Variants in EVC2 observed in about 807,000 individuals in gnomAD.
The protein encoded by EVC2 is EvC ciliary complex subunit 2.
Under a neutral mutation model 149.3 loss-of-function variants are expected in EVC2, and 148 were observed. The ratio of observed to expected loss-of-function variants is 0.99; its 90% CI spans 0.87 to 1.14. The LOEUF is 1.14. Ranked by LOEUF, EVC2 falls within the 50% of genes most tolerant of loss-of-function variation. The probability of loss-of-function intolerance (pLI) is 0.00; values close to 1 mark genes in which losing one functional copy is unlikely to be tolerated. For synonymous variants in EVC2, 776 were observed against 649.9 expected (o/e 1.19, Z -2.95); for missense variants, 1,854 against 1,627.3 (o/e 1.14, Z -2.40).
intron 10 of EVC2, 39 bp from the exon 11 acceptor site, chr4:5,632,071 C>A: frequency 6.2e-7 from 1 of 1,611,998 alleles, no homozygotes; most frequent in Non-Finnish European, 8.5e-7. Context: ...AACTGACACA[C>A]TGAACATGCA....
At chr4:5,593,585 T>A (rs74284733) in intron 16 of EVC2, among the ~76,000 whole-genome samples, 27,266 of 151,962 alleles carry the variant, frequency 0.18, 3,050 homozygotes, top group East Asian at 0.62. Context: ...TTCTAGGGGG[T>A]GGAGCAAAGA....
At chr4:5,683,879 G>T (rs1198362257) in intron 6 of EVC2, among the ~76,000 whole-genome samples, 1 of 145,498 alleles carries the variant, frequency 6.9e-6, no homozygotes, top group African/African-American at 2.5e-5. Context: ...CAGCTGCCCG[G>T]GAACACACAC....
chr4:5,681,458 C>T (rs1720340033), intron 6 of EVC2, 145 bp from the exon 7 acceptor site: 10 of 827,962 alleles, frequency 1.2e-5, no homozygotes, highest in Non-Finnish European at 1.8e-5. Context: ...GAAGGTCTCA[C>T]CATCAGGAGG....
At chr4:5,621,958 T>C (rs1261252420) in intron 14 of EVC2, among the ~76,000 whole-genome samples, 4 of 152,176 alleles carry the variant, frequency 2.6e-5, no homozygotes, top group East Asian at 1.9e-4. Flanking sequence ...TACATGGCTC[T>C]TGAATTAATA....
chr4:5,651,073 T>C (rs973670027), intron 9 of EVC2, among the ~76,000 whole-genome samples: 3 of 151,974 alleles, frequency 2.0e-5, no homozygotes, highest in South Asian at 2.1e-4. Context: ...GATGGACAGA[T>C]GGGTGAAGGG....
intron 3 of EVC2, among the ~76,000 whole-genome samples, chr4:5,693,093 A>G (rs1721237620): frequency 6.6e-6 from 1 of 152,092 alleles, no homozygotes; most frequent in Admixed American, 6.5e-5. Context: ...ACCTTCATAT[A>G]GCATCTTGCA....
At position 5,637,225 on chromosome 4, in the gene EVC2, A is replaced by G. The variant is rs74683671; in HGVS notation, c.1470+3289T>C. Reference sequence around the variant, plus strand: ...CAGGCAGTCTTTTGATAGCAAAGCCACTAGAAACATTCTAGGTGCCCCACA... The same window carrying G: ...CAGGCAGTCTTTTGATAGCAAAGCCGCTAGAAACATTCTAGGTGCCCCACA... On this transcript the variant is annotated intron_variant, in intron 10 of 21. Coordinates refer to ENST00000344408, the MANE Select transcript of EVC2 (RefSeq NM_147127.5). This position sits in a 1 kb window ranked among gnomAD's most constrained non-coding sequence, Gnocchi z 4.4. Among the ~76,000 whole-genome samples, 770 of 152,342 alleles carry G rather than the reference A, an allele frequency of 5.1e-3. 7 individuals carry two copies. Among genetic ancestry groups the G allele is most frequent in the African/African-American group, 0.017 (727 of 41,568 alleles).
rs114379999 is a variant in EVC2, at chr4:5,587,045, T to A, written c.2830-2195A>T. 5.8e-3 allele frequency among the ~76,000 whole-genome samples: 880 copies of A among 152,374 alleles called. 5 individuals are homozygous for A. Among genetic ancestry groups the A allele is most frequent in the African/African-American group, 0.02 (815 of 41,592 alleles). ...GCTTTTTCTGTCACACATTTAATTG[T>A]ACATACGTTAAAAACGTCACACTCC... On this transcript the variant is annotated intron_variant, in intron 16 of 21. Transcript: ENST00000344408.
At chr4:5,541,487 G>C (rs1486856284), downstream of EVC2, among the ~76,000 whole-genome samples, 2 of 152,234 alleles carry the variant, frequency 1.3e-5, no homozygotes, top group African/African-American at 4.8e-5. Context: ...GCTGGAATAA[G>C]ATGATTCAGA....
At chr4:5,615,318 G>T in intron 16 of EVC2, 104 bp downstream of exon 16, 1 of 1,575,202 alleles carries the variant, frequency 6.3e-7, no homozygotes. Context: ...GGTGGAGATG[G>T]ATGGCACAGC....
At chr4:5,667,321 G>A (rs1052965428) in intron 7 of EVC2, among the ~76,000 whole-genome samples, 1 of 151,664 alleles carries the variant, frequency 6.6e-6, no homozygotes, top group African/African-American at 2.4e-5. Context: ...TTTCTACAAT[G>A]AGTAGGTATT....
the EVC2 span, among the ~76,000 whole-genome samples, chr4:5,535,129 T>A: frequency 2.0e-5 from 3 of 151,988 alleles, no homozygotes; most frequent in Non-Finnish European, 1.5e-5. This position sits in a 1 kb window ranked among gnomAD's most constrained non-coding sequence, Gnocchi z 4.7. Flanking sequence ...AATGTTCAAA[T>A]CCCCTGGCTG....
chr4:5,537,531 C>T, the EVC2 span, among the ~76,000 whole-genome samples: 1 of 152,146 alleles, frequency 6.6e-6, no homozygotes, highest in Admixed American at 6.6e-5. Flanking sequence ...ATAGACTAAA[C>T]ATCTTAATAA....
intron 7 of EVC2, among the ~76,000 whole-genome samples, chr4:5,674,035 G>C (rs954882149): frequency 7.0e-5 from 10 of 142,480 alleles, no homozygotes; most frequent in Admixed American, 2.2e-4. Context: ...TGGGAGATGA[G>C]ACGAATGTTT....
intron 12 of EVC2, among the ~76,000 whole-genome samples, chr4:5,627,268 T>A (rs1057254446): frequency 6.6e-6 from 1 of 152,222 alleles, no homozygotes; most frequent in African/African-American, 2.4e-5. Flanking sequence ...AATATAATTA[T>A]GTCTTTTAAA....
At position 5,658,386 on chromosome 4, in the gene EVC2, T is replaced by C. The variant is rs552472941; in HGVS notation, c.1145+4721A>G. On this transcript the variant is annotated intron_variant, in intron 9 of 21. Transcript: ENST00000344408. Reference sequence around the variant, plus strand: ...AACAAAATCATTTCTCTAAAGTGTTTACAAAGAATAAAAAGAGTAGTAGTT... The same window carrying C: ...AACAAAATCATTTCTCTAAAGTGTTCACAAAGAATAAAAAGAGTAGTAGTT... 5.9e-5 allele frequency among the ~76,000 whole-genome samples: 9 copies of C among 152,340 alleles called. No individual in the cohort carries two copies. The East Asian group carries it at 1.7e-3, about 29-fold the overall frequency.
intron 9 of EVC2, among the ~76,000 whole-genome samples, chr4:5,645,596 CTTTT>C (rs915451453): frequency 6.6e-6 from 1 of 152,168 alleles, no homozygotes; most frequent in Non-Finnish European, 1.5e-5. Context: ...TGATCTCACT[CTTTT>C]TTAACGGCTG....
chr4:5,615,942 AAC>A (rs142466741), intron 15 of EVC2, among the ~76,000 whole-genome samples: 2,771 of 152,314 alleles, frequency 0.018, 79 homozygotes, highest in African/African-American at 0.063. Flanking sequence ...CAGCGGAGAA[AAC>A]AGTCTGAAAA....
intron 21 of EVC2, among the ~76,000 whole-genome samples, chr4:5,550,127 C>G (rs955132758): frequency 6.6e-5 from 10 of 152,114 alleles, no homozygotes; most frequent in African/African-American, 2.4e-4. Flanking sequence ...TGAACTAATA[C>G]AGTAAATTGG....
Sources: gnomAD v4.1 joint callset for allele counts (sites outside exome capture counted in the v4.1 genomes callset) on GRCh38, gnomAD v4.1.1 for gene constraint, Gnocchi (gnomAD v3.1) non-coding constraint, MANE v1.5 for transcripts, NCBI Gene and HGNC (gene_info 2026-07-23, HGNC 2026-07-21) for gene names.